PDXDC1: variants seen among roughly 807,000 people sequenced by gnomAD.
PDXDC1 encodes the protein pyridoxal-dependent decarboxylase domain-containing protein 1.
A neutral mutation model predicts 100.1 loss-of-function variants in PDXDC1; 42 were observed. That is an observed-to-expected ratio of 0.42 (90% CI 0.33 to 0.54). The LOEUF is 0.54. PDXDC1 is among the 20% of genes least tolerant of loss of function. PDXDC1 has a pLI of 0.10. For missense variants in PDXDC1, 636 were observed against 979.2 expected (o/e 0.65, Z 4.68); for synonymous variants, 260 against 371.7 (o/e 0.70, Z 3.46).
rs977699654 is a variant in PDXDC1 at position 15,136,213 on chromosome 16, T to C, written c.1400-2666T>C. ...TCACAGCAGCCCGCTGGGAGCCCCA[T>C]CACTGTCCCCCTTTCCAGATGGGGA... On this transcript the variant is annotated intron_variant, in intron 16 of 16. Coordinates refer to the PDXDC1 transcript ENST00000535621. The C allele has an allele frequency of 7.6e-6, 5 of 658,500 alleles. No individual in the cohort carries two copies. The African/African-American group carries it at 9.0e-5, about 12-fold the overall frequency. 40.8% of individuals were successfully genotyped at this position (658,500 alleles called of 1,614,324 possible).
chr16:15,060,441 C>T (rs1391972783), intron 16 of PDXDC1: 1 of 156,542 alleles, frequency 6.4e-6, no homozygotes, highest in Admixed American at 6.5e-5. Context: ...CAAGTGCATA[C>T]AAAGCCCTGG....
chr16:15,026,742 T>G (rs2042633752), intron 14 of PDXDC1, 36 bp downstream of exon 14: 1 of 1,584,814 alleles, frequency 6.3e-7, no homozygotes, highest in Non-Finnish European at 8.7e-7. Context: ...TTTTCATATC[T>G]GTGTTAAAGG....
intron 13 of PDXDC1, among the ~76,000 whole-genome samples, chr16:15,024,784 AG>A (rs1439088682): frequency 6.6e-6 from 1 of 152,300 alleles, no homozygotes; most frequent in Non-Finnish European, 1.5e-5. Context: ...CTCTTCAGAA[AG>A]GCCTTTCCTG....
At chr16:15,148,853 T>TC in the PDXDC1 span, among the ~76,000 whole-genome samples, 3 of 152,066 alleles carry the variant, frequency 2.0e-5, no homozygotes, top group African/African-American at 7.2e-5. Context: ...AACCAAAGCC[T>TC]CCCCATCCCT....
intron 16 of PDXDC1, among the ~76,000 whole-genome samples, chr16:15,072,126 C>T (rs1743910662): frequency 1.3e-5 from 2 of 152,022 alleles, no homozygotes; most frequent in Non-Finnish European, 2.9e-5. Context: ...TAAAGCTAGG[C>T]ACACCCATGT....
At chr16:15,086,020 A>C in intron 16 of PDXDC1, 1 of 790,350 alleles carries the variant, frequency 1.3e-6, no homozygotes, top group Non-Finnish European at 2.0e-6. Flanking sequence ...ACCTGGTGCC[A>C]ATATGCATCT....
At chr16:15,065,538 CG>C (rs2044933119) in intron 16 of PDXDC1, among the ~76,000 whole-genome samples, 1 of 151,970 alleles carries the variant, frequency 6.6e-6, no homozygotes, top group African/African-American at 2.4e-5. Flanking sequence ...TTTAGGGTAC[CG>C]TTCTATGGGT....
chr16:15,083,185 G>A (rs928588333), intron 16 of PDXDC1, among the ~76,000 whole-genome samples: 7 of 152,208 alleles, frequency 4.6e-5, no homozygotes, highest in African/African-American at 4.8e-5. Flanking sequence ...CAGATCACAA[G>A]GTCAGGCGTT....
At position 15,061,868 on chromosome 16, in the gene PDXDC1, C is replaced by A. The variant is rs2044727714; in HGVS notation, c.1399+31812C>A. On this transcript the variant is annotated intron_variant, in intron 16 of 16. Coordinates refer to the PDXDC1 transcript ENST00000535621. ...CACGGTATCATTCTGGGGCACTTCG[C>A]CTTTCAGAAAGTCATCATCTTCATC... 7 of 1,613,342 alleles carry A rather than the reference C, an allele frequency of 4.3e-6. No individual in the cohort carries two copies. In the South Asian group the frequency reaches 7.7e-5, roughly 18 times the overall value.
At chr16:15,060,057 A>T in intron 16 of PDXDC1, 1 of 260,042 alleles carries the variant, frequency 3.8e-6, no homozygotes. Context: ...TTTTATTGGT[A>T]TAAGAACGTA....
chr16:15,135,772 T>A, intron 16 of PDXDC1: 2 of 1,595,944 alleles, frequency 1.3e-6, no homozygotes, highest in Non-Finnish European at 8.6e-7. Context: ...ACACGCGGTA[T>A]GAGCCACCCT....
rs1490154277 is a variant in PDXDC1, at chr16:15,031,781, A to T, written c.1446A>T (p.Ile482=). ...GEDVDQLVAC[I]ESKLPVLCCT... ...ATGTGGATCAGCTCGTAGCCTGCAT[A>T]GAAAGCAAACTGCCAGTGCTGTGCT... Residue 482 remains isoleucine (I), a synonymous_variant, in exon 17 of 23, where the codon ATA becomes ATT. Coordinates refer to ENST00000396410, the MANE Select transcript of PDXDC1 (RefSeq NM_015027.4). The T allele has an allele frequency of 1.5e-5, 25 of 1,613,838 alleles. No individual in the cohort carries two copies. The highest frequency in any genetic ancestry group is 1.9e-5 in the Non-Finnish European group (23 of 1,179,914).
intron 16 of PDXDC1, chr16:15,055,891 C>G: frequency 3.3e-6 from 4 of 1,229,164 alleles, no homozygotes; most frequent in Non-Finnish European, 4.1e-6. Context: ...CCCCACTCAC[C>G]TCCAAAGGCG....
chr16:15,135,847 C>T (rs201991353), intron 16 of PDXDC1: 11 of 1,489,960 alleles, frequency 7.4e-6, no homozygotes, highest in East Asian at 2.2e-5. Context: ...GTGCCAGTGG[C>T]GTGTCCCCAA....
intron 16 of PDXDC1, chr16:15,133,055 G>A (rs1419536917): frequency 2.8e-6 from 2 of 712,306 alleles, no homozygotes; most frequent in African/African-American, 3.6e-5. Flanking sequence ...GCCCTCCTGG[G>A]CGGGGGCTGC....
intron 19 of PDXDC1, 119 bp downstream of exon 19, chr16:15,033,518 A>G (rs570695129): frequency 4.9e-5 from 58 of 1,186,824 alleles, no homozygotes; most frequent in Admixed American, 2.8e-4. Context: ...AAGTCTGTCA[A>G]TGTTTCCTGT....
intron 3 of PDXDC1, among the ~76,000 whole-genome samples, chr16:14,999,135 C>T (rs575122494): frequency 7.7e-4 from 118 of 152,294 alleles, no homozygotes; most frequent in African/African-American, 2.6e-3. Context: ...GGTGTGATCT[C>T]GGCTCACTGC....
chr16:15,104,345 C>T (rs1394611129), intron 16 of PDXDC1: 7 of 1,592,548 alleles, frequency 4.4e-6, no homozygotes, highest in East Asian at 4.5e-5. Context: ...ATTTATTCTT[C>T]GTTAGTTTCT....
intron 16 of PDXDC1, chr16:15,056,083 C>T: frequency 3.3e-6 from 1 of 300,540 alleles, no homozygotes; most frequent in Non-Finnish European, 5.1e-6. Flanking sequence ...TCGTCCTGCC[C>T]CGCCCCACCG....
Sources: allele counts gnomAD v4.1 joint callset (sites outside exome capture counted in the v4.1 genomes callset), GRCh38; gene constraint gnomAD v4.1.1; transcripts MANE v1.5; gene names NCBI Gene and HGNC (gene_info 2026-07-23, HGNC 2026-07-21).